RASA3: variants seen among roughly 807,000 people sequenced by gnomAD.
RASA3 encodes RAS p21 protein activator 3, also known as ras GTPase-activating protein 3.
A neutral mutation model predicts 110.0 loss-of-function variants in RASA3; 73 were observed. The observed-to-expected ratio is 0.66, with a 90% CI of 0.55 to 0.81. The LOEUF (loss-of-function observed/expected upper bound fraction) is 0.81, where lower values mean the gene tolerates loss of function less well. RASA3 is among the 30% of genes least tolerant of loss of function. The pLI is 0.00. For synonymous variants in RASA3, 500 were observed against 451.4 expected, an observed-to-expected ratio of 1.11 and a Z score of -1.37; for missense variants, 976 against 1,113.2, an observed-to-expected ratio of 0.88 and a Z score of 1.75.
chr13:113,995,646 AC>A (rs2053216968), intron 21 of RASA3, among the ~76,000 whole-genome samples: 2 of 111,212 alleles, frequency 1.8e-5, no homozygotes, highest in African/African-American at 3.7e-5. Flanking sequence ...GGCCCAGCTG[AC>A]GGGGGGCCCA....
chr13:114,043,837 G>GCCCCCCCCCCCCCCCCCCCCCCCCCCCCC (rs544129523), intron 3 of RASA3, among the ~76,000 whole-genome samples: 1 of 22,826 alleles, frequency 4.4e-5, no homozygotes, highest in Non-Finnish European at 7.1e-5. Flanking sequence ...CACTCGCTGA[G>GCCCCCCCCCCCCCCCCCCCCCCCCCCCCC]CCCCCCGCCC....
chr13:114,046,567 T>C (rs1278124321), intron 3 of RASA3, among the ~76,000 whole-genome samples: 1 of 152,156 alleles, frequency 6.6e-6, no homozygotes, highest in East Asian at 1.9e-4. Flanking sequence ...AGTCACGGGG[T>C]TGTTCCTATG....
intron 1 of RASA3, among the ~76,000 whole-genome samples, chr13:114,125,329 C>A (rs2080430883): frequency 6.6e-6 from 1 of 152,114 alleles, no homozygotes; most frequent in African/African-American, 2.4e-5. Context: ...GTGCTGCAAG[C>A]CGTACAGGAA....
intron 4 of RASA3, among the ~76,000 whole-genome samples, chr13:114,032,621 C>T (rs929259077): frequency 4.6e-5 from 7 of 151,958 alleles, no homozygotes; most frequent in Admixed American, 2.0e-4. Context: ...TGCAGCCCCA[C>T]GGCACCCCCA....
At chr13:114,076,529 C>T (rs1292435032) in intron 1 of RASA3, among the ~76,000 whole-genome samples, 3 of 150,996 alleles carry the variant, frequency 2.0e-5, no homozygotes, top group Non-Finnish European at 4.4e-5. Context: ...ACGCAGCACA[C>T]GCACGCAGGC....
intron 1 of RASA3, among the ~76,000 whole-genome samples, chr13:114,122,013 T>A (rs1359357120): frequency 6.6e-6 from 1 of 152,314 alleles, no homozygotes; most frequent in East Asian, 1.9e-4. Flanking sequence ...CCTAAACTAA[T>A]GAAGATTCCA....
intron 7 of RASA3, among the ~76,000 whole-genome samples, chr13:114,024,970 C>G (rs917958177): frequency 5.9e-5 from 9 of 152,250 alleles, no homozygotes; most frequent in African/African-American, 2.2e-4. Context: ...CCGCCCCCCG[C>G]CAGCCAGCAG....
At chr13:114,046,356 G>C (rs2079053064) in intron 3 of RASA3, among the ~76,000 whole-genome samples, 1 of 152,190 alleles carries the variant, frequency 6.6e-6, no homozygotes, top group East Asian at 1.9e-4. Flanking sequence ...TGGCAGCTCT[G>C]AAACTGCTCC....
chr13:114,057,046 TCA>T lies in RASA3; in HGVS notation c.174-4893_174-4892del, dbSNP rs965506449. On this transcript the variant is annotated intron_variant, in intron 2 of 23. Transcript: ENST00000334062. This position sits in a 1 kb window ranked among gnomAD's most constrained non-coding sequence, Gnocchi z 5.0. ...CTCCTGAAGAAGGGGAACGTCACACTCACAGTTCCATTTTACACATTTGCAGC... is the reference window on the plus strand; with the variant it reads ...CTCCTGAAGAAGGGGAACGTCACACTCAGTTCCATTTTACACATTTGCAGC... Among the ~76,000 whole-genome samples, 1 of 152,116 alleles carries T rather than the reference TCA, an allele frequency of 6.6e-6. No homozygotes were observed. Among genetic ancestry groups the T allele is most frequent in the Non-Finnish European group, 1.5e-5 (1 of 68,016 alleles).
intron 1 of RASA3, among the ~76,000 whole-genome samples, chr13:114,102,398 A>G (rs937853372): frequency 6.6e-6 from 1 of 151,984 alleles, no homozygotes; most frequent in Admixed American, 6.5e-5. Context: ...AGACAGAGAG[A>G]CGGTGAGAGG....
In RASA3 at chr13:114,115,840, TG is replaced by T. The variant is rs1387935236; in HGVS notation, c.55+16594del. Among the ~76,000 whole-genome samples, 1 of 152,234 alleles carries T rather than the reference TG, an allele frequency of 6.6e-6. No homozygotes were observed. Among genetic ancestry groups the T allele is most frequent in the Non-Finnish European group, 1.5e-5 (1 of 68,046 alleles). On this transcript the variant is annotated intron_variant, in intron 1 of 23. Transcript: ENST00000334062. This position sits in a 1 kb window ranked among gnomAD's most constrained non-coding sequence, Gnocchi z 5.0. Reference sequence around the variant, plus strand: ...ACAGATGTATGTGTTTGTGTGAAGCTGTATTTAAATGTGAGATTATTCTTCT... The same window carrying T: ...ACAGATGTATGTGTTTGTGTGAAGCTTATTTAAATGTGAGATTATTCTTCT...
At chr13:113,981,975 T>A in intron 22 of RASA3, 117 bp from the exon 23 acceptor site, 1 of 917,738 alleles carries the variant, frequency 1.1e-6, no homozygotes, top group Admixed American at 2.8e-5. Flanking sequence ...CGCAAGCTCC[T>A]CCAGAAAGGG....
At position 114,015,345 on chromosome 13, in the gene RASA3, A is replaced by G. The variant is rs1227385699; in HGVS notation, c.1282-13T>C. Reference sequence around the variant, plus strand: ...GCCGTAGGTTCTCCTGCAACGGGACACGGCACTGGGACCCACTCCCGAGGC... The same window carrying G: ...GCCGTAGGTTCTCCTGCAACGGGACGCGGCACTGGGACCCACTCCCGAGGC... On this transcript the variant is annotated splice_polypyrimidine_tract_variant and intron_variant, in intron 13 of 23. Coordinates refer to ENST00000334062, the MANE Select transcript of RASA3 (RefSeq NM_007368.4). The G allele has an allele frequency of 6.2e-7, 1 of 1,612,252 alleles. No individual in the cohort carries two copies. Among genetic ancestry groups the G allele is most frequent in the Admixed American group, 1.7e-5 (1 of 60,016 alleles).
chr13:114,025,249 C>T (rs1442328311), intron 7 of RASA3, among the ~76,000 whole-genome samples: 2 of 152,266 alleles, frequency 1.3e-5, no homozygotes, highest in African/African-American at 2.4e-5. Context: ...CTTGCACTTC[C>T]TGATTGGTAA....
intron 8 of RASA3, among the ~76,000 whole-genome samples, chr13:114,022,185 G>A (rs1197541460): frequency 6.6e-6 from 1 of 152,140 alleles, no homozygotes; most frequent in Admixed American, 6.5e-5. Flanking sequence ...CGTGACTACC[G>A]CAGGCCCAGC....
At chr13:114,070,934 G>A (rs1322679638) in intron 2 of RASA3, among the ~76,000 whole-genome samples, 3 of 111,728 alleles carry the variant, frequency 2.7e-5, no homozygotes, top group Non-Finnish European at 5.1e-5. Flanking sequence ...GGCTGCCGGC[G>A]TCCACGCTAA....
intron 2 of RASA3, among the ~76,000 whole-genome samples, chr13:114,063,595 C>T (rs572769505): frequency 1.3e-3 from 195 of 152,346 alleles, no homozygotes; most frequent in Non-Finnish European, 2.1e-3. Context: ...TGATAAAACG[C>T]TGGGGTCAGA....
chr13:114,078,261 A>C (rs1024774838), intron 1 of RASA3, among the ~76,000 whole-genome samples: 3 of 152,220 alleles, frequency 2.0e-5, no homozygotes, highest in African/African-American at 7.2e-5. Flanking sequence ...CACCCCAAAC[A>C]GTTCATTCAG....
chr13:114,102,534 G>A (rs927818505), intron 1 of RASA3, among the ~76,000 whole-genome samples: 4 of 152,174 alleles, frequency 2.6e-5, no homozygotes, highest in Non-Finnish European at 2.9e-5. Context: ...TGTCTCTGAC[G>A]TTTTGTGCCA....
Sources: allele counts gnomAD v4.1 joint callset (sites outside exome capture counted in the v4.1 genomes callset), GRCh38; gene constraint gnomAD v4.1.1; non-coding constraint Gnocchi (gnomAD v3.1); transcripts MANE v1.5; gene names NCBI Gene and HGNC (gene_info 2026-07-23, HGNC 2026-07-21).